Variants in SAMMSON observed in about 807,000 individuals in gnomAD.
SAMMSON encodes the protein long intergenic non-protein coding RNA 1212.
intron 8 of SAMMSON, among the ~76,000 whole-genome samples, chr3:70,355,864 A>G (rs867149567): frequency 1.3e-5 from 2 of 152,080 alleles, no homozygotes; most frequent in African/African-American, 2.4e-5. Flanking sequence ...TCCTTCAACA[A>G]TCCTTTGAGC....
intron 3 of SAMMSON, among the ~76,000 whole-genome samples, chr3:70,056,936 G>C (rs370812623): frequency 6.6e-6 from 1 of 151,906 alleles, no homozygotes; most frequent in African/African-American, 2.4e-5. Context: ...AAATATGACG[G>C]CATTTAGTCA....
At chr3:70,011,606 T>G (rs1364764225) in intron 1 of SAMMSON, among the ~76,000 whole-genome samples, 1 of 143,706 alleles carries the variant, frequency 7.0e-6, no homozygotes, top group African/African-American at 2.6e-5. Flanking sequence ...AGAGTTTACT[T>G]TTTTTTTTTT....
At chr3:70,140,708 T>C (rs1192375890) in intron 4 of SAMMSON, among the ~76,000 whole-genome samples, 1 of 152,204 alleles carries the variant, frequency 6.6e-6, no homozygotes, top group Non-Finnish European at 1.5e-5. Flanking sequence ...AAATATCCAA[T>C]TTCTTTGCTC....
chr3:70,382,223 T>A (rs1703075090), intron 9 of SAMMSON, among the ~76,000 whole-genome samples: 1 of 152,120 alleles, frequency 6.6e-6, no homozygotes, highest in African/African-American at 2.4e-5. Flanking sequence ...AAAAGAAAAT[T>A]TATCTGAGAT....
At chr3:70,052,186 A>G (rs2067148992) in intron 3 of SAMMSON, among the ~76,000 whole-genome samples, 1 of 52,594 alleles carries the variant, frequency 1.9e-5, no homozygotes, top group Admixed American at 2.0e-4. Context: ...CTTATTCACA[A>G]AAAAAGCAAA....
intron 6 of SAMMSON, among the ~76,000 whole-genome samples, chr3:70,279,294 A>G (rs1246838081): frequency 6.6e-6 from 1 of 152,076 alleles, no homozygotes; most frequent in Non-Finnish European, 1.5e-5. Flanking sequence ...TGAGAGATCA[A>G]ACAAATCATC....
At chr3:70,007,331 A>T (rs1353838790) in intron 1 of SAMMSON, among the ~76,000 whole-genome samples, 1 of 152,110 alleles carries the variant, frequency 6.6e-6, no homozygotes, top group East Asian at 1.9e-4. Context: ...CTTTTTAATG[A>T]TCGCCATTCT....
chr3:70,260,572 G>T (rs187111047), intron 6 of SAMMSON, among the ~76,000 whole-genome samples: 1 of 152,062 alleles, frequency 6.6e-6, no homozygotes, highest in Admixed American at 6.6e-5. Flanking sequence ...GGAAGGGAAG[G>T]TCTGCATATT....
chr3:70,001,334 C>T (rs1258057197), intron 1 of SAMMSON, among the ~76,000 whole-genome samples: 6 of 151,916 alleles, frequency 3.9e-5, no homozygotes, highest in Admixed American at 3.3e-4. Flanking sequence ...TATGTGCCTC[C>T]TGTGTGTAAG....
At chr3:70,232,490 C>A (rs760716718) in intron 4 of SAMMSON, among the ~76,000 whole-genome samples, 1 of 151,802 alleles carries the variant, frequency 6.6e-6, no homozygotes, top group Non-Finnish European at 1.5e-5. Flanking sequence ...ACCTCCGACT[C>A]CCGGGTTCAA....
intron 4 of SAMMSON, among the ~76,000 whole-genome samples, chr3:70,188,757 G>C (rs907184723): frequency 1.3e-5 from 2 of 152,168 alleles, no homozygotes; most frequent in Non-Finnish European, 2.9e-5. Context: ...CAATAGGGTA[G>C]GTATTATTAA....
intron 9 of SAMMSON, among the ~76,000 whole-genome samples, chr3:70,371,313 A>G (rs181472361): frequency 1.1e-4 from 17 of 152,146 alleles, no homozygotes; most frequent in Admixed American, 3.3e-4. Context: ...TTTTGGTTCC[A>G]TATGAATTTT....
At chr3:70,415,209 G>C (rs540924917) in intron 2 of SAMMSON, among the ~76,000 whole-genome samples, 1 of 152,250 alleles carries the variant, frequency 6.6e-6, no homozygotes, top group East Asian at 1.9e-4. Flanking sequence ...TCATTTTGTA[G>C]ACAAAATTTA....
intron 4 of SAMMSON, among the ~76,000 whole-genome samples, chr3:70,216,691 A>C (rs1236737021): frequency 6.6e-6 from 1 of 152,158 alleles, no homozygotes; most frequent in Non-Finnish European, 1.5e-5. Flanking sequence ...ATTGAAAAAC[A>C]TACTCAGGTC....
intron 7 of SAMMSON, among the ~76,000 whole-genome samples, chr3:70,320,248 GATCA>G (rs1702527048): frequency 6.6e-6 from 1 of 152,076 alleles, no homozygotes; most frequent in Non-Finnish European, 1.5e-5. Flanking sequence ...TGGGAAAAGG[GATCA>G]TTGCAAAGGC....
At chr3:70,166,610 G>A (rs62254819) in intron 4 of SAMMSON, among the ~76,000 whole-genome samples, 1,755 of 151,942 alleles carry the variant, frequency 0.012, 24 homozygotes, top group Non-Finnish European at 0.013. Flanking sequence ...GGCTGCTCCC[G>A]TAGAGGTAGA....
intron 7 of SAMMSON, among the ~76,000 whole-genome samples, chr3:70,350,023 T>G (rs1315126655): frequency 2.0e-5 from 3 of 152,174 alleles, no homozygotes; most frequent in Non-Finnish European, 4.4e-5. Context: ...GAAGGAAAAT[T>G]TCCACTTAAA....
intron 8 of SAMMSON, among the ~76,000 whole-genome samples, chr3:70,355,025 A>C (rs1702819603): frequency 6.6e-6 from 1 of 152,204 alleles, no homozygotes; most frequent in Non-Finnish European, 1.5e-5. Context: ...GAGATTAAAA[A>C]CAAGGGATAA....
At chr3:70,409,364 A>G (rs1409960835) in intron 2 of SAMMSON, among the ~76,000 whole-genome samples, 1 of 152,218 alleles carries the variant, frequency 6.6e-6, no homozygotes, top group Non-Finnish European at 1.5e-5. Flanking sequence ...ATTTCATAAA[A>G]TATGACTAAA....
Sources: gnomAD v4.1 joint callset for allele counts (sites outside exome capture counted in the v4.1 genomes callset) on GRCh38, gnomAD v4.1.1 for gene constraint, MANE v1.5 for transcripts, NCBI Gene and HGNC (gene_info 2026-07-23, HGNC 2026-07-21) for gene names.